The following GC variants were observed in gnomAD, a reference collection of about 807,000 sequenced individuals.
The protein encoded by GC is GC vitamin D binding protein.
GC carries 43 observed loss-of-function variants against 56.7 expected under a neutral mutation model. The observed-to-expected ratio is 0.76, with a 90% CI of 0.59 to 0.98. The LOEUF (loss-of-function observed/expected upper bound fraction) is 0.98, where lower values mean the gene tolerates loss of function less well. Ranked by LOEUF, GC falls within the 50% of genes least tolerant of loss-of-function variation. The pLI is 0.00. For synonymous variants in GC, 216 were observed against 202.7 expected, an observed-to-expected ratio of 1.07 and a Z score of -0.56; for missense variants, 529 against 545.9, an observed-to-expected ratio of 0.97 and a Z score of 0.31.
At chr4:71,764,329 G>A (rs1400328596) in intron 4 of GC, among the ~76,000 whole-genome samples, 3 of 152,048 alleles carry the variant, frequency 2.0e-5, no homozygotes, top group Non-Finnish European at 4.4e-5. Context: ...AAGGATATAT[G>A]TTACATTAAT....
intron 8 of GC, among the ~76,000 whole-genome samples, chr4:71,755,378 G>T (rs1472198810): frequency 1.3e-5 from 2 of 151,986 alleles, no homozygotes; most frequent in Admixed American, 6.6e-5. Context: ...GGCTAGGGTG[G>T]TCTGGAACTT....
intron 1 of GC, among the ~76,000 whole-genome samples, chr4:71,770,177 G>A (rs916960338): frequency 4.6e-4 from 70 of 152,146 alleles, no homozygotes; most frequent in African/African-American, 1.6e-3. Context: ...AAATCTAGAG[G>A]GTGATGGGCT....
At position 71,754,445 on chromosome 4, in the gene GC, A is replaced by G. The variant is rs150474816; in HGVS notation, c.1228T>C (p.Tyr410His). ...TACTCAGTAAATGTATTTTCTGAATAATCTGCACATAGTTCTTGTCCCTTG... is the reference window on the plus strand; with the variant it reads ...TACTCAGTAAATGTATTTTCTGAATGATCTGCACATAGTTCTTGTCCCTTG... ...IDKGQELCAD[Y>H]SENTFTEYKK... is the part of the protein sequence containing the mutation. The change falls in exon 10 of 13, where the codon TAT becomes CAT. Residue 410 changes from tyrosine (Y) to histidine (H), a missense_variant. Transcript: ENST00000273951. The G allele has an allele frequency of 3.7e-5, 58 of 1,586,240 alleles. No individual in the cohort carries two copies. In the African/African-American group the frequency reaches 6.8e-4, roughly 19 times the overall value.
intron 1 of GC, among the ~76,000 whole-genome samples, chr4:71,790,076 T>C (rs575394705): frequency 2.6e-4 from 39 of 152,046 alleles, no homozygotes; most frequent in Admixed American, 6.6e-5. Context: ...TACAGAATTT[T>C]AATGATTATC....
chr4:71,748,038 G>A (rs1342813508), intron 11 of GC, among the ~76,000 whole-genome samples: 1 of 152,134 alleles, frequency 6.6e-6, no homozygotes, highest in Non-Finnish European at 1.5e-5. Flanking sequence ...GACATTGAGG[G>A]AGAGTAACAG....
intron 11 of GC, among the ~76,000 whole-genome samples, chr4:71,749,602 A>G (rs1035749536): frequency 2.0e-5 from 3 of 152,196 alleles, no homozygotes; most frequent in Non-Finnish European, 4.4e-5. Flanking sequence ...TTATTTTTCT[A>G]GGTTAAGGCC....
intron 1 of GC, among the ~76,000 whole-genome samples, chr4:71,802,713 T>C (rs1743280426): frequency 6.6e-6 from 1 of 152,190 alleles, no homozygotes; most frequent in Non-Finnish European, 1.5e-5. Context: ...AAGTCATTCT[T>C]TTTATTGAAT....
intron 1 of GC, among the ~76,000 whole-genome samples, chr4:71,771,446 C>A (rs1578304726): frequency 2.6e-5 from 4 of 151,658 alleles, no homozygotes; most frequent in South Asian, 2.1e-4. Context: ...GGATGGATAC[C>A]CCCCCAAAAT....
intron 12 of GC, among the ~76,000 whole-genome samples, chr4:71,742,170 T>G (rs958339882): frequency 2.0e-5 from 3 of 152,198 alleles, no homozygotes; most frequent in African/African-American, 7.2e-5. Context: ...ATGTGACTTT[T>G]TGCTCTATGG....
chr4:71,746,607 C>A (rs1026952144), intron 11 of GC, among the ~76,000 whole-genome samples: 4 of 151,554 alleles, frequency 2.6e-5, no homozygotes, highest in Non-Finnish European at 5.9e-5. Context: ...AGAAATAGGG[C>A]AAGCGGGTGG....
At chr4:71,793,787 T>C (rs1368958903) in intron 1 of GC, among the ~76,000 whole-genome samples, 1 of 152,150 alleles carries the variant, frequency 6.6e-6, no homozygotes, top group Non-Finnish European at 1.5e-5. Flanking sequence ...ATATTGGCTG[T>C]GGGTTTGTGA....
chr4:71,781,056 TA>T (rs1224164545), intron 1 of GC, among the ~76,000 whole-genome samples: 1 of 152,006 alleles, frequency 6.6e-6, no homozygotes, highest in Non-Finnish European at 1.5e-5. Context: ...TATGCAGCCA[TA>T]AAAAAGGATG....
At chr4:71,761,254 T>G (rs2149298962) in intron 6 of GC, among the ~76,000 whole-genome samples, 1 of 152,322 alleles carries the variant, frequency 6.6e-6, no homozygotes, top group East Asian at 1.9e-4. Flanking sequence ...TGTTATGTAT[T>G]AGCAAAGAGA....
chr4:71,749,511 G>A (rs1350888987), intron 11 of GC, among the ~76,000 whole-genome samples: 1 of 152,166 alleles, frequency 6.6e-6, no homozygotes, highest in Non-Finnish European at 1.5e-5. Flanking sequence ...AAGACATTTA[G>A]ACTGTTTTCT....
chr4:71,770,060 C>T (rs1339463117), intron 1 of GC, among the ~76,000 whole-genome samples: 1 of 152,082 alleles, frequency 6.6e-6, no homozygotes, highest in African/African-American at 2.4e-5. Flanking sequence ...GGAAGTGTTT[C>T]CTTTCACTTT....
chr4:71,749,670 C>A (rs1407035171), intron 11 of GC, among the ~76,000 whole-genome samples: 1 of 152,126 alleles, frequency 6.6e-6, no homozygotes, highest in Non-Finnish European at 1.5e-5. Context: ...AAAGAAAGAA[C>A]TGTTCAATTT....
intron 1 of GC, among the ~76,000 whole-genome samples, chr4:71,789,602 C>T (rs1296666424): frequency 6.6e-6 from 1 of 151,854 alleles, no homozygotes; most frequent in Non-Finnish European, 1.5e-5. Flanking sequence ...CTTTTCAGAG[C>T]CATCTATAAA....
At chr4:71,742,480 C>G (rs1741215224) in intron 12 of GC, among the ~76,000 whole-genome samples, 2 of 152,180 alleles carry the variant, frequency 1.3e-5, no homozygotes, top group East Asian at 3.8e-4. Context: ...CGAATCTGTT[C>G]CCTCACAGCC....
chr4:71,796,354 T>C (rs1317659752), intron 1 of GC, among the ~76,000 whole-genome samples: 1 of 152,178 alleles, frequency 6.6e-6, no homozygotes, highest in African/African-American at 2.4e-5. Context: ...GGAGGCTTTG[T>C]TTGTTTCTGT....
Sources: gnomAD v4.1 joint callset for allele counts (sites outside exome capture counted in the v4.1 genomes callset) on GRCh38, gnomAD v4.1.1 for gene constraint, MANE v1.5 for transcripts, NCBI Gene and HGNC (gene_info 2026-07-23, HGNC 2026-07-21) for gene names.